KCNQ1OT1: variants seen among roughly 807,000 people sequenced by gnomAD.
KCNQ1OT1 encodes the protein KCNQ1 antisense RNA 2 (non-protein coding).
exon 1 of KCNQ1OT1, chr11:2,641,285 A>T: frequency 2.5e-6 from 1 of 398,490 alleles, no homozygotes; most frequent in Non-Finnish European, 4.4e-6. Context: ...AACAGTGTAT[A>T]AGAGTTCCCT....
Position 2,626,007 on chromosome 11 carries a change from T to C in KCNQ1OT1, n.73988A>G. 1 of 398,690 alleles carries C rather than the reference T, an allele frequency of 2.5e-6. No homozygotes were observed. The allele number at this position is 398,690 out of a possible 1,614,324, so 24.7% of individuals were successfully genotyped here. A position where few individuals can be genotyped will look rare whatever the true frequency, so the allele number is the denominator to read the frequency against. On this transcript the variant is annotated non_coding_transcript_exon_variant, in exon 1 of 1. Coordinates refer to ENST00000597346, the Ensembl canonical transcript of KCNQ1OT1. This position sits in a 1 kb window ranked among gnomAD's most constrained non-coding sequence, Gnocchi z 4.0. ...TCTGTAGGTTGTCTTATTGCTTAGT[T>C]GATATTATTTTAATGCACACAATGT...
chr11:2,664,765 G>A lies in KCNQ1OT1; in HGVS notation n.35230C>T. On this transcript the variant is annotated non_coding_transcript_exon_variant, in exon 1 of 1. Transcript: ENST00000597346. The surrounding 1 kb of genome is among the most constrained non-coding windows in gnomAD (Gnocchi z 5.1). Reference sequence around the variant, plus strand: ...GGGATGTGTGCTGGGGTCTCACAGGGGGCAGAGTGGGTGGGAGGCAGTTAC... The same window carrying A: ...GGGATGTGTGCTGGGGTCTCACAGGAGGCAGAGTGGGTGGGAGGCAGTTAC... The A allele has an allele frequency of 2.5e-6, 1 of 398,772 alleles. No individual in the cohort carries two copies. The highest frequency in any genetic ancestry group is 3.6e-5 in the East Asian group (1 of 28,090). 24.7% of individuals were successfully genotyped at this position (398,772 alleles called of 1,614,324 possible).
At position 2,620,886 on chromosome 11, in the gene KCNQ1OT1, G is replaced by T. The variant is rs1849158129; in HGVS notation, n.79109C>A. On this transcript the variant is annotated non_coding_transcript_exon_variant, in exon 1 of 1. Transcript: ENST00000597346. The surrounding 1 kb of genome is among the most constrained non-coding windows in gnomAD (Gnocchi z 4.5). ...TTGACTTTTTAATAATTGCCATTCT[G>T]ACTGGTGTGAGATGGCATCCCATTA... 7.6e-6 allele frequency: 3 copies of T among 396,460 alleles called. No homozygotes were observed. In the South Asian group the frequency reaches 3.8e-4, roughly 51 times the overall value. 24.6% of individuals were successfully genotyped at this position (396,460 alleles called of 1,614,324 possible).
rs1850123107 is a variant in KCNQ1OT1, at chr11:2,668,443, C to T, written n.31552G>A. On this transcript the variant is annotated non_coding_transcript_exon_variant, in exon 1 of 1. Coordinates refer to ENST00000597346, the Ensembl canonical transcript of KCNQ1OT1. This position sits in a 1 kb window ranked among gnomAD's most constrained non-coding sequence, Gnocchi z 4.3. ...CACAGGCAGCATTCTGGCTGCTCCA[C>T]ATCCTAACACTTGGCATTTTCCGTC... 7.5e-6 allele frequency: 3 copies of T among 398,486 alleles called. No homozygotes were observed. Among genetic ancestry groups the T allele is most frequent in the African/African-American group, 4.1e-5 (2 of 48,634 alleles). The allele number at this position is 398,486 out of a possible 1,614,324, so 24.7% of individuals were successfully genotyped here. A position where few individuals can be genotyped will look rare whatever the true frequency, so the allele number is the denominator to read the frequency against.
exon 1 of KCNQ1OT1, chr11:2,662,273 A>G: frequency 1.6e-6 from 1 of 639,830 alleles, no homozygotes. Context: ...CTTCCCACTG[A>G]GCCTGGGAAC....
chr11:2,690,060 T>G lies in KCNQ1OT1; in HGVS notation n.9935A>C. ...CTGCCTCTCCTCCCCTCTCCTAGCC[T>G]GCTTCTGTCTGGGCTGAAGGCACAG... On this transcript the variant is annotated non_coding_transcript_exon_variant, in exon 1 of 1. Coordinates refer to ENST00000597346, the Ensembl canonical transcript of KCNQ1OT1. This position sits in a 1 kb window ranked among gnomAD's most constrained non-coding sequence, Gnocchi z 5.1. 1 of 398,890 alleles carries G rather than the reference T, an allele frequency of 2.5e-6. No homozygotes were observed. The highest frequency in any genetic ancestry group is 3.6e-5 in the East Asian group (1 of 28,074). The allele number at this position is 398,890 out of a possible 1,614,324, so 24.7% of individuals were successfully genotyped here.
In KCNQ1OT1 at chr11:2,653,831, T is replaced by C. The variant is rs1057148873; in HGVS notation, n.46164A>G. 7.5e-6 allele frequency: 3 copies of C among 398,464 alleles called. No homozygotes were observed. Among genetic ancestry groups the C allele is most frequent in the Non-Finnish European group, 1.3e-5 (3 of 226,084 alleles). The allele number at this position is 398,464 out of a possible 1,614,324, so 24.7% of individuals were successfully genotyped here. A position where few individuals can be genotyped will look rare whatever the true frequency, so the allele number is the denominator to read the frequency against. On this transcript the variant is annotated non_coding_transcript_exon_variant, in exon 1 of 1. Coordinates refer to ENST00000597346, the Ensembl canonical transcript of KCNQ1OT1. This position sits in a 1 kb window ranked among gnomAD's most constrained non-coding sequence, Gnocchi z 5.3. ...GAGGCAAGGTCCACAGGGACCCCTT[T>C]GGGGATGGCCAGAGGGTACCTAAAC...
chr11:2,668,237 C>T lies in KCNQ1OT1; in HGVS notation n.31758G>A, dbSNP rs1262763984. ...CATTCTACCACCTGTGGCCAGCAGGCAGTTTCTGGTGTAGGTTGCTGTTTA... is the reference window on the plus strand; with the variant it reads ...CATTCTACCACCTGTGGCCAGCAGGTAGTTTCTGGTGTAGGTTGCTGTTTA... On this transcript the variant is annotated non_coding_transcript_exon_variant, in exon 1 of 1. Coordinates refer to ENST00000597346, the Ensembl canonical transcript of KCNQ1OT1. This position sits in a 1 kb window ranked among gnomAD's most constrained non-coding sequence, Gnocchi z 4.3. 5.0e-6 allele frequency: 2 copies of T among 398,532 alleles called. No homozygotes were observed. Among genetic ancestry groups the T allele is most frequent in the Non-Finnish European group, 8.8e-6 (2 of 226,092 alleles). The allele number at this position is 398,532 out of a possible 1,614,324, so 24.7% of individuals were successfully genotyped here.
Position 2,624,788 on chromosome 11 carries a change from G to A in KCNQ1OT1, n.75207C>T, listed in dbSNP as rs888775319. On this transcript the variant is annotated non_coding_transcript_exon_variant, in exon 1 of 1. Coordinates refer to ENST00000597346, the Ensembl canonical transcript of KCNQ1OT1. The surrounding 1 kb of genome is among the most constrained non-coding windows in gnomAD (Gnocchi z 4.9). ...TTGGAAACCACCTTGTACTTTCTAT[G>A]TCTCTGATTTGACTATTCTACATAC... is the stretch of plus-strand genomic sequence containing the variant. The A allele has an allele frequency of 2.5e-6, 1 of 398,362 alleles. No homozygotes were observed. Among genetic ancestry groups the A allele is most frequent in the Non-Finnish European group, 4.4e-6 (1 of 226,002 alleles). 24.7% of individuals were successfully genotyped at this position (398,362 alleles called of 1,614,324 possible).
Position 2,659,961 on chromosome 11 carries a change from A to G in KCNQ1OT1, n.40034T>C, listed in dbSNP as rs1415185085. 6.3e-5 allele frequency: 25 copies of G among 398,430 alleles called. No homozygotes were observed. The East Asian group carries it at 8.9e-4, about 14-fold the overall frequency. 24.7% of individuals were successfully genotyped at this position (398,430 alleles called of 1,614,324 possible). A position where few individuals can be genotyped will look rare whatever the true frequency, so the allele number is the denominator to read the frequency against. ...GCAAGTCCTTGACCTGATAGGTGAT[A>G]TGCAAATATTCTTTCCAAGTCTGTG... On this transcript the variant is annotated non_coding_transcript_exon_variant, in exon 1 of 1. Coordinates refer to ENST00000597346, the Ensembl canonical transcript of KCNQ1OT1. This position sits in a 1 kb window ranked among gnomAD's most constrained non-coding sequence, Gnocchi z 4.3.
At chr11:2,665,626 G>C (rs578047630) in exon 1 of KCNQ1OT1, 5 of 397,488 alleles carry the variant, frequency 1.3e-5, no homozygotes, top group African/African-American at 1.0e-4. Flanking sequence ...GTACGGCTGT[G>C]TCCTCCTTTG....
chr11:2,614,875 C>T (rs1020486088), exon 1 of KCNQ1OT1: 1 of 398,118 alleles, frequency 2.5e-6, no homozygotes, highest in South Asian at 1.3e-4. Context: ...TTGTTTGGGG[C>T]CCTGGGAAAA....
Position 2,678,444 on chromosome 11 carries a change from C to G in KCNQ1OT1, n.21551G>C. 2.5e-6 allele frequency: 1 copy of G among 398,634 alleles called. No individual in the cohort carries two copies. Among genetic ancestry groups the G allele is most frequent in the Non-Finnish European group, 4.4e-6 (1 of 226,060 alleles). 24.7% of individuals were successfully genotyped at this position (398,634 alleles called of 1,614,324 possible). A position where few individuals can be genotyped will look rare whatever the true frequency, so the allele number is the denominator to read the frequency against. On this transcript the variant is annotated non_coding_transcript_exon_variant, in exon 1 of 1. Coordinates refer to ENST00000597346, the Ensembl canonical transcript of KCNQ1OT1. The surrounding 1 kb of genome is among the most constrained non-coding windows in gnomAD (Gnocchi z 4.9). ...ATTTGAGTACATCATCATCTCTCTA[C>G]TAATTTCAACTGCTACCTTTATCAT... is the stretch of plus-strand genomic sequence containing the variant.
exon 1 of KCNQ1OT1, chr11:2,619,070 C>T (rs993616269): frequency 1.3e-5 from 5 of 398,290 alleles, no homozygotes; most frequent in African/African-American, 8.2e-5. Flanking sequence ...TAACAGGTTG[C>T]TTTGTCAGAG....
chr11:2,623,784 C>T lies in KCNQ1OT1; in HGVS notation n.76211G>A, dbSNP rs1849215339. On this transcript the variant is annotated non_coding_transcript_exon_variant, in exon 1 of 1. Coordinates refer to ENST00000597346, the Ensembl canonical transcript of KCNQ1OT1. This position sits in a 1 kb window ranked among gnomAD's most constrained non-coding sequence, Gnocchi z 5.2. ...AGTCTTCACCTCCTTTGAGTAAATA[C>T]CAAGGATGTGATTGCTGAACTGCAT... 2.5e-6 allele frequency: 1 copy of T among 398,468 alleles called. No individual in the cohort carries two copies. The highest frequency in any genetic ancestry group is 3.6e-5 in the East Asian group (1 of 28,058). The allele number at this position is 398,468 out of a possible 1,614,324, so 24.7% of individuals were successfully genotyped here. A position where few individuals can be genotyped will look rare whatever the true frequency, so the allele number is the denominator to read the frequency against.
chr11:2,650,080 C>G (rs940047808), exon 1 of KCNQ1OT1: 10 of 398,148 alleles, frequency 2.5e-5, no homozygotes, highest in Non-Finnish European at 3.1e-5. Context: ...GCTTTTGAAG[C>G]TTTCAATTGT....
At position 2,682,446 on chromosome 11, in the gene KCNQ1OT1, C is replaced by G; in HGVS notation, n.17549G>C. 1 of 397,992 alleles carries G rather than the reference C, an allele frequency of 2.5e-6. No homozygotes were observed. The highest frequency in any genetic ancestry group is 1.3e-4 in the South Asian group (1 of 7,796). The allele number at this position is 397,992 out of a possible 1,614,324, so 24.7% of individuals were successfully genotyped here. A position where few individuals can be genotyped will look rare whatever the true frequency, so the allele number is the denominator to read the frequency against. Reference sequence around the variant, plus strand: ...TCTTCAGTGCTTAATCCATATGGAGCCTGTCACGGACCCTCAGTGAATGTT... The same window carrying G: ...TCTTCAGTGCTTAATCCATATGGAGGCTGTCACGGACCCTCAGTGAATGTT... On this transcript the variant is annotated non_coding_transcript_exon_variant, in exon 1 of 1. Coordinates refer to ENST00000597346, the Ensembl canonical transcript of KCNQ1OT1. The surrounding 1 kb of genome is among the most constrained non-coding windows in gnomAD (Gnocchi z 5.8).
chr11:2,640,485 A>T (rs1849556021), exon 1 of KCNQ1OT1: 1 of 397,660 alleles, frequency 2.5e-6, no homozygotes, highest in Non-Finnish European at 4.4e-6. Flanking sequence ...AGGGTCGTGC[A>T]TTGTTGCCCA....
Position 2,691,499 on chromosome 11 carries a change from A to C in KCNQ1OT1, n.8496T>G, listed in dbSNP as rs966300613. The C allele has an allele frequency of 2.5e-6, 1 of 398,006 alleles. No homozygotes were observed. The highest frequency in any genetic ancestry group is 2.1e-5 in the African/African-American group (1 of 48,278). The allele number at this position is 398,006 out of a possible 1,614,324, so 24.7% of individuals were successfully genotyped here. A position where few individuals can be genotyped will look rare whatever the true frequency, so the allele number is the denominator to read the frequency against. On this transcript the variant is annotated non_coding_transcript_exon_variant, in exon 1 of 1. Transcript: ENST00000597346. The surrounding 1 kb of genome is among the most constrained non-coding windows in gnomAD (Gnocchi z 6.4). ...TTTTCATCTCAGCCTATTCAAGGCC[A>C]TTTTTCAGCTTGCTTGGCTTTGCAT...
Sources: gnomAD v4.1 joint callset for allele counts on GRCh38, gnomAD v4.1.1 for gene constraint, Gnocchi (gnomAD v3.1) non-coding constraint, MANE v1.5 for transcripts, NCBI Gene and HGNC (gene_info 2026-07-23, HGNC 2026-07-21) for gene names.